ECHDC1: variants seen among roughly 807,000 people sequenced by gnomAD.
ECHDC1 encodes the protein ethylmalonyl-CoA decarboxylase.
Under a neutral mutation model 29.7 loss-of-function variants are expected in ECHDC1, and 29 were observed. The ratio of observed to expected loss-of-function variants is 0.98; its 90% CI spans 0.73 to 1.33. The LOEUF (loss-of-function observed/expected upper bound fraction) is 1.33. ECHDC1 is among the 40% of genes most tolerant of loss of function. The pLI, the probability that ECHDC1 is intolerant of heterozygous loss-of-function variation, is 0.00. For synonymous variants in ECHDC1, 126 were observed against 123.1 expected (o/e 1.02, Z -0.15); for missense variants, 328 against 350.0 (o/e 0.94, Z 0.50).
Position 127,290,490 on chromosome 6 carries a change from G to A in ECHDC1, c.498-213C>T, listed in dbSNP as rs1160464740. Among the ~76,000 whole-genome samples, 14 of 151,746 alleles carry A rather than the reference G, an allele frequency of 9.2e-5. 1 individual carries two copies. ...TTTGAAAACAGTATCATTTTTTGTT[G>A]TGCTTGTTTACCCTTTGCAAACAAG... On this transcript the variant is annotated intron_variant, in intron 5 of 5. Transcript: ENST00000454859.
At chr6:127,310,055 T>TA (rs1247899008) in intron 5 of ECHDC1, among the ~76,000 whole-genome samples, 3 of 151,904 alleles carry the variant, frequency 2.0e-5, no homozygotes, top group African/African-American at 4.8e-5. Flanking sequence ...TTCATGGAGA[T>TA]AGAGAGTAAA....
chr6:127,296,943 T>G (rs1440617906), intron 5 of ECHDC1, among the ~76,000 whole-genome samples: 2 of 151,908 alleles, frequency 1.3e-5, no homozygotes, highest in South Asian at 2.1e-4. Flanking sequence ...AGGCGGAAGT[T>G]GCAGTGAGCA....
intron 5 of ECHDC1, among the ~76,000 whole-genome samples, chr6:127,310,760 C>T (rs993858308): frequency 2.6e-5 from 4 of 152,188 alleles, no homozygotes; most frequent in Admixed American, 1.3e-4. Context: ...TGCTATCAAA[C>T]AGCACTGCAT....
chr6:127,295,278 T>C (rs1317320022), intron 5 of ECHDC1, among the ~76,000 whole-genome samples: 1 of 152,132 alleles, frequency 6.6e-6, no homozygotes, highest in Admixed American at 6.5e-5. Context: ...CTTTATAATA[T>C]ACTTTGAACT....
Position 127,289,931 on chromosome 6 carries a change from T to A in ECHDC1, c.844A>T (p.Thr282Ser). The A allele has an allele frequency of 1.2e-6, 2 of 1,613,550 alleles. No individual in the cohort carries two copies. Among genetic ancestry groups the A allele is most frequent in the Non-Finnish European group, 1.7e-6 (2 of 1,179,664 alleles). ...ALQNERDLLG[T>S]VWGGPANLEA... ...AAATTTGCAGGCCCACCCCAAACTG[T>A]TCCTAAAAGATCTCTTTCGTTCTGT... Residue 282 changes from threonine (T) to serine (S), a missense_variant, in exon 6 of 6, where the codon ACA (threonine) becomes TCA (serine). Coordinates refer to ENST00000454859, the MANE Select transcript of ECHDC1 (RefSeq NM_001002030.2).
intron 1 of ECHDC1, among the ~76,000 whole-genome samples, chr6:127,332,168 A>C (rs1203705690): frequency 6.6e-6 from 1 of 152,064 alleles, no homozygotes; most frequent in Non-Finnish European, 1.5e-5. Context: ...TTCAGTCAAA[A>C]CCCTTCAAGT....
chr6:127,331,488 A>G (rs1246311334), intron 1 of ECHDC1, among the ~76,000 whole-genome samples: 1 of 152,108 alleles, frequency 6.6e-6, no homozygotes, highest in Non-Finnish European at 1.5e-5. Context: ...AATGATCAGT[A>G]TGGAATTCCT....
intron 3 of ECHDC1, chr6:127,317,868 G>C (rs374796560): frequency 6.6e-6 from 1 of 152,182 alleles, no homozygotes; most frequent in Non-Finnish European, 1.5e-5. Flanking sequence ...GATTAGTACA[G>C]TAAGATGGCT....
intron 5 of ECHDC1, among the ~76,000 whole-genome samples, chr6:127,310,280 G>A (rs1356084387): frequency 6.6e-6 from 1 of 151,936 alleles, no homozygotes; most frequent in East Asian, 1.9e-4. Flanking sequence ...ATGCTTGAGG[G>A]GATGGAAACC....
chr6:127,342,530 T>C, intron 1 of ECHDC1: 1 of 628,540 alleles, frequency 1.6e-6, no homozygotes, highest in Non-Finnish European at 2.6e-6. Flanking sequence ...ATTTCACAAA[T>C]ATACTTCTCA....
intron 4 of ECHDC1, 119 bp from the exon 5 acceptor site, chr6:127,315,015 AAAAC>A: frequency 1.1e-6 from 1 of 880,888 alleles, no homozygotes. Context: ...TGTCTTCATA[AAAAC>A]AAACACACAT....
chr6:127,331,841 CT>C, intron 1 of ECHDC1: 1 of 985,312 alleles, frequency 1.0e-6, no homozygotes, highest in Non-Finnish European at 1.2e-6. Flanking sequence ...TTCTGCAAAG[CT>C]TTCAGGCAAA....
chr6:127,295,755 C>T (rs1002947658), intron 5 of ECHDC1, among the ~76,000 whole-genome samples: 21 of 152,162 alleles, frequency 1.4e-4, no homozygotes, highest in African/African-American at 4.8e-4. Context: ...AGTATTTGTG[C>T]TACTTACATG....
intron 1 of ECHDC1, among the ~76,000 whole-genome samples, chr6:127,335,895 C>A (rs10457492): frequency 0.17 from 25,711 of 151,866 alleles, 2,328 homozygotes; most frequent in Non-Finnish European, 0.18. Context: ...ATGAGACATC[C>A]TTCCATCCCA....
chr6:127,330,876 A>T lies in ECHDC1; in HGVS notation c.153T>A (p.Leu51=), dbSNP rs997702087. 16 of 1,614,018 alleles carry T rather than the reference A, an allele frequency of 9.9e-6. 1 individual carries two copies. The South Asian group carries it at 1.8e-4, about 18-fold the overall frequency. The change falls in exon 2 of 6, where the codon CTT becomes CTA. Residue 51 remains leucine, a synonymous_variant. Transcript: ENST00000454859. ...TGCCAATGCCATTGTCTTCCTTCTGAAGGTCAATGGATCCACCAGGAAACT... is the reference window on the plus strand; with the variant it reads ...TGCCAATGCCATTGTCTTCCTTCTGTAGGTCAATGGATCCACCAGGAAACT... ...LQQFPGGSID[L]QKEDNGIGIL...
intron 5 of ECHDC1, among the ~76,000 whole-genome samples, chr6:127,307,703 G>A (rs1781561070): frequency 8.4e-6 from 1 of 119,210 alleles, no homozygotes; most frequent in African/African-American, 3.0e-5. Context: ...GAAACAAAAA[G>A]TTGTTTTTTT....
intron 3 of ECHDC1, among the ~76,000 whole-genome samples, chr6:127,320,308 T>A (rs1024430683): frequency 3.3e-5 from 5 of 152,050 alleles, no homozygotes; most frequent in Admixed American, 3.3e-4. Context: ...TGAGCTACCG[T>A]GCTTGGCCGC....
At chr6:127,333,686 C>CACACAT (rs1201472619) in intron 1 of ECHDC1, among the ~76,000 whole-genome samples, 10 of 146,944 alleles carry the variant, frequency 6.8e-5, no homozygotes, top group Non-Finnish European at 1.0e-4. Context: ...CACACACACA[C>CACACAT]ACACACACAC....
chr6:127,338,275 T>C (rs934074892), intron 1 of ECHDC1, among the ~76,000 whole-genome samples: 1 of 152,192 alleles, frequency 6.6e-6, no homozygotes, highest in Non-Finnish European at 1.5e-5. Flanking sequence ...TTTAAAAGTT[T>C]TCAGTTTTGT....
Sources: allele counts gnomAD v4.1 joint callset (sites outside exome capture counted in the v4.1 genomes callset), GRCh38; gene constraint gnomAD v4.1.1; transcripts MANE v1.5; gene names NCBI Gene and HGNC (gene_info 2026-07-23, HGNC 2026-07-21).